LPIN2: variants seen among roughly 807,000 people sequenced by gnomAD.
The protein encoded by LPIN2 is phosphatidate phosphatase LPIN2.
A neutral mutation model predicts 111.4 loss-of-function variants in LPIN2; 55 were observed. The ratio of observed to expected loss-of-function variants is 0.49; its 90% CI spans 0.40 to 0.62. LPIN2 has a LOEUF of 0.62. Among genes scored for constraint, LPIN2 ranks in the 20% least tolerant of loss-of-function variants. LPIN2 has a pLI of 0.00. For missense variants in LPIN2, 992 were observed against 1,112.1 expected (o/e 0.89, Z 1.54); for synonymous variants, 425 against 414.0 (o/e 1.03, Z -0.32).
chr18:3,000,926 T>TA (rs11405069), intron 1 of LPIN2, among the ~76,000 whole-genome samples: 116,683 of 143,154 alleles, frequency 0.82, 47,545 homozygotes, highest in East Asian at 0.97. Flanking sequence ...AGAAAGGTGC[T>TA]AAAAAAAATG....
intron 1 of LPIN2, among the ~76,000 whole-genome samples, chr18:2,973,985 CA>C (rs1179667558): frequency 6.6e-6 from 1 of 152,198 alleles, no homozygotes. Flanking sequence ...CATTTGTGTA[CA>C]GGCATTTGTG....
At chr18:3,008,339 G>T (rs934774659) in intron 1 of LPIN2, among the ~76,000 whole-genome samples, 2 of 152,242 alleles carry the variant, frequency 1.3e-5, no homozygotes, top group Non-Finnish European at 2.9e-5. Flanking sequence ...CTACTCGGGA[G>T]TCCGAGGTGG....
At chr18:3,002,535 T>A (rs913627213) in intron 1 of LPIN2, among the ~76,000 whole-genome samples, 1 of 152,122 alleles carries the variant, frequency 6.6e-6, no homozygotes, top group Non-Finnish European at 1.5e-5. Context: ...GGCCCACACA[T>A]TAACAAAATT....
chr18:2,984,282 G>A (rs2078155200), intron 1 of LPIN2, among the ~76,000 whole-genome samples: 1 of 152,040 alleles, frequency 6.6e-6, no homozygotes, highest in Non-Finnish European at 1.5e-5. Flanking sequence ...TAGTATCGTG[G>A]ACCTGCAGTA....
intron 2 of LPIN2, among the ~76,000 whole-genome samples, chr18:2,958,778 C>T (rs1302962383): frequency 6.6e-6 from 1 of 152,036 alleles, no homozygotes; most frequent in Non-Finnish European, 1.5e-5. Context: ...TGTATTATTT[C>T]CTAAATTAGA....
In LPIN2 at chr18:2,940,691, C is replaced by G. The variant is rs1191337998; in HGVS notation, c.612G>C (p.Leu204Phe). 2 of 1,611,810 alleles carry G rather than the reference C, an allele frequency of 1.2e-6. No homozygotes were observed. The highest frequency in any genetic ancestry group is 1.7e-5 in the Admixed American group (1 of 60,016). The stretch of plus-strand genomic sequence containing the variant: ...AAGGCTCTTTACATTCTTCTTCTTT[C>G]AAGGAAGCATTTGAAGATCCTCTGT... ...QAARGSSNAS[L>F]KEEECKEPLL... is the part of the protein sequence containing the mutation. Residue 204 changes from leucine to phenylalanine, a missense_variant, in exon 5 of 20, where the codon TTG becomes TTC. Transcript: ENST00000677752.
At chr18:2,932,329 A>G (rs2077222171) in intron 8 of LPIN2, among the ~76,000 whole-genome samples, 1 of 152,208 alleles carries the variant, frequency 6.6e-6, no homozygotes, top group Admixed American at 6.5e-5. Flanking sequence ...AAAAACAGTG[A>G]CCCAGAGGTT....
chr18:2,981,503 G>C lies in LPIN2; in HGVS notation c.-9-20654C>G, dbSNP rs116640562. Among the ~76,000 whole-genome samples the C allele has an allele frequency of 4.1e-3, 626 of 152,308 alleles. 3 individuals are homozygous for C. Among genetic ancestry groups the C allele is most frequent in the African/African-American group, 0.014 (595 of 41,526 alleles). On this transcript the variant is annotated intron_variant, in intron 1 of 19. Transcript: ENST00000677752. ...GACACAAGTCTTAAGAACTTCCTGT[G>C]AGGGAGAGTTTATGTGTGTTAGTGC...
intron 1 of LPIN2, chr18:2,967,701 C>T (rs918830349): frequency 2.6e-5 from 4 of 152,334 alleles, no homozygotes; most frequent in African/African-American, 7.2e-5. Flanking sequence ...AGACTCCCGA[C>T]GCCAAGCCCT....
At chr18:2,971,828 ATCACCTGAGG>A (rs933958744) in intron 1 of LPIN2, among the ~76,000 whole-genome samples, 1 of 151,022 alleles carries the variant, frequency 6.6e-6, no homozygotes, top group African/African-American at 2.4e-5. Flanking sequence ...CGGGGGGTGG[ATCACCTGAGG>A]TCAGGGGTTT....
chr18:2,999,458 A>T (rs1381381879), intron 1 of LPIN2, among the ~76,000 whole-genome samples: 1 of 151,752 alleles, frequency 6.6e-6, no homozygotes, highest in Non-Finnish European at 1.5e-5. Context: ...AAAAAAAATT[A>T]GCCGGGCGCG....
At position 2,946,578 on chromosome 18, in the gene LPIN2, C is replaced by T. The variant is rs758835237; in HGVS notation, c.590+4477G>A. On this transcript the variant is annotated intron_variant, in intron 4 of 19. Coordinates refer to ENST00000677752, the MANE Select transcript of LPIN2 (RefSeq NM_001375808.2). ...ACAGGCAAGGCCCAAACACCGGGAA[C>T]AGCAAGAGGATGCGTTAGCCAATCC... 29 of 1,075,698 alleles carry T rather than the reference C, an allele frequency of 2.7e-5. No individual in the cohort carries two copies. The East Asian group carries it at 6.4e-4, about 24-fold the overall frequency. The allele number at this position is 1,075,698 out of a possible 1,614,324, so 66.6% of individuals were successfully genotyped here. A position where few individuals can be genotyped will look rare whatever the true frequency, so the allele number is the denominator to read the frequency against.
chr18:2,942,699 A>G (rs1016678817), intron 4 of LPIN2, among the ~76,000 whole-genome samples: 6 of 152,200 alleles, frequency 3.9e-5, no homozygotes, highest in East Asian at 1.9e-4. Flanking sequence ...CAGTGACAGA[A>G]AAGATTTATG....
At chr18:2,990,597 C>A (rs1463001296) in intron 1 of LPIN2, 2 of 167,638 alleles carry the variant, frequency 1.2e-5, no homozygotes, top group South Asian at 1.5e-4. Flanking sequence ...CCAATTCATA[C>A]CCACTACGAT....
intron 1 of LPIN2, among the ~76,000 whole-genome samples, chr18:2,961,231 A>G (rs1598572445): frequency 1.3e-5 from 2 of 152,162 alleles, no homozygotes. Context: ...TACTGCATCC[A>G]CTTTGGCCAT....
chr18:2,950,025 C>T (rs1490696801), intron 4 of LPIN2, among the ~76,000 whole-genome samples: 9 of 151,950 alleles, frequency 5.9e-5, no homozygotes, highest in African/African-American at 1.7e-4. Flanking sequence ...TGCTTGAGTT[C>T]GGGAGTTCAA....
intron 11 of LPIN2, among the ~76,000 whole-genome samples, chr18:2,928,316 G>GATT (rs1191902633): frequency 6.6e-6 from 1 of 152,032 alleles, no homozygotes; most frequent in Non-Finnish European, 1.5e-5. Flanking sequence ...TTTAACTTAT[G>GATT]ATTAGTAAAA....
At position 2,923,767 on chromosome 18, in the gene LPIN2, G is replaced by A. The variant is rs2144126085; in HGVS notation, c.2174+8C>T. ...ACCAGAGCGAGTTAACGTGGGGAGGGTACCTACTCATTGATGGAATGGTAG... is the reference window on the plus strand; with the variant it reads ...ACCAGAGCGAGTTAACGTGGGGAGGATACCTACTCATTGATGGAATGGTAG... On this transcript the variant is annotated splice_region_variant and intron_variant, in intron 16 of 19. Transcript: ENST00000677752. 6.2e-6 allele frequency: 10 copies of A among 1,612,062 alleles called. No homozygotes were observed. Among genetic ancestry groups the A allele is most frequent in the Non-Finnish European group, 8.5e-6 (10 of 1,178,108 alleles).
intron 1 of LPIN2, among the ~76,000 whole-genome samples, chr18:2,998,317 A>G (rs1388679940): frequency 2.0e-5 from 3 of 152,230 alleles, no homozygotes; most frequent in African/African-American, 7.2e-5. Context: ...GCTGACTTGC[A>G]TACTAAGCTA....
Sources: allele counts gnomAD v4.1 joint callset (sites outside exome capture counted in the v4.1 genomes callset), GRCh38; gene constraint gnomAD v4.1.1; transcripts MANE v1.5; gene names NCBI Gene and HGNC (gene_info 2026-07-23, HGNC 2026-07-21).